RNF123: variants seen among roughly 807,000 people sequenced by gnomAD.
RNF123 encodes the protein E3 ubiquitin-protein ligase RNF123.
In RNF123, 86 loss-of-function variants were observed where a neutral mutation model predicts 168.5. The ratio of observed to expected loss-of-function variants is 0.51; its 90% CI spans 0.43 to 0.61. The LOEUF (loss-of-function observed/expected upper bound fraction) is 0.61, where lower values mean the gene tolerates loss of function less well. RNF123 is among the 20% of genes least tolerant of loss of function. The pLI is 0.00. For missense variants in RNF123, 1,419 were observed against 1,729.7 expected (o/e 0.82, Z 3.19); for synonymous variants, 666 against 689.1 (o/e 0.97, Z 0.52).
intron 35 of RNF123, 137 bp downstream of exon 35, chr3:49,716,614 TG>T: frequency 1.3e-6 from 1 of 769,380 alleles, no homozygotes; most frequent in East Asian, 2.5e-5. Flanking sequence ...AGAGGGAAGG[TG>T]GTGAGGTGTG....
At chr3:49,716,555 C>T in intron 35 of RNF123, 78 bp downstream of exon 35, 1 of 1,204,092 alleles carries the variant, frequency 8.3e-7, no homozygotes, top group East Asian at 2.3e-5. Context: ...CCTCCTGGTA[C>T]TTCAGTTTCC....
At position 49,705,610 on chromosome 3, in the gene RNF123, C is replaced by T. The variant is rs768535987; in HGVS notation, c.2235C>T (p.Asn745=). Residue 745 remains asparagine, a synonymous_variant, in exon 24 of 39, where the codon AAC becomes AAT. Transcript: ENST00000327697. The part of the protein sequence containing the change: ...PEEPEQPLTE[N]SLLEVLDGAV... ...AGCCTGAGCAGCCCCTCACCGAGAA[C>T]TCGCTGCTGGAAGTCCTGGATGGGG... 9 of 1,613,868 alleles carry T rather than the reference C, an allele frequency of 5.6e-6. No homozygotes were observed. Among genetic ancestry groups the T allele is most frequent in the Non-Finnish European group, 7.6e-6 (9 of 1,179,892 alleles).
chr3:49,715,569 C>T lies in RNF123; in HGVS notation c.3011-6C>T, dbSNP rs755685414. 8 of 1,613,744 alleles carry T rather than the reference C, an allele frequency of 5.0e-6. No individual in the cohort carries two copies. The highest frequency in any genetic ancestry group is 2.7e-5 in the African/African-American group (2 of 75,062). On this transcript the variant is annotated splice_polypyrimidine_tract_variant and splice_region_variant and intron_variant, in intron 31 of 38. Transcript: ENST00000327697. ...CCTGATGATGCCGCCTCCTGTCCCC[C>T]TGCAGAGCCCTGCCCTTCCACCCTG...
chr3:49,696,796 G>A (rs9873183), intron 3 of RNF123, among the ~76,000 whole-genome samples: 77,620 of 151,390 alleles, frequency 0.51, 21,024 homozygotes, highest in East Asian at 0.82. Context: ...ATACGCATGC[G>A]CCACCACACT....
chr3:49,692,047 C>T (rs987343501), intron 3 of RNF123, among the ~76,000 whole-genome samples: 7 of 152,168 alleles, frequency 4.6e-5, no homozygotes, highest in Non-Finnish European at 7.3e-5. Context: ...AGTTCAAGAC[C>T]AGCCTGAGCA....
chr3:49,697,838 G>T, intron 5 of RNF123, 47 bp from the exon 6 acceptor site: 1 of 1,611,302 alleles, frequency 6.2e-7, no homozygotes, highest in Non-Finnish European at 8.5e-7. Context: ...TTGGGGAGAT[G>T]CTCTGTGTGC....
At position 49,720,494 on chromosome 3, in the gene RNF123, C is replaced by T. The variant is rs376893628; in HGVS notation, c.3501-17C>T. 1.9e-6 allele frequency: 3 copies of T among 1,543,122 alleles called. No homozygotes were observed. Among genetic ancestry groups the T allele is most frequent in the Non-Finnish European group, 2.6e-6 (3 of 1,143,296 alleles). On this transcript the variant is annotated splice_polypyrimidine_tract_variant and intron_variant, in intron 35 of 38. Transcript: ENST00000327697. ...GCCCCAAGCCTTCTGACTGCCCTTG[C>T]ACCCTCCCCTACCTAGGAGAGAGCA...
At chr3:49,704,900 G>A in intron 22 of RNF123, 84 bp from the exon 23 acceptor site, 1 of 1,424,222 alleles carries the variant, frequency 7.0e-7, no homozygotes, top group Non-Finnish European at 9.5e-7. Flanking sequence ...GTGGAGGCAT[G>A]GACCCTCCCT....
intron 31 of RNF123, among the ~76,000 whole-genome samples, 176 bp downstream of exon 31, chr3:49,714,350 G>A (rs1168075592): frequency 6.6e-6 from 1 of 152,176 alleles, no homozygotes; most frequent in Non-Finnish European, 1.5e-5. Flanking sequence ...TCCAGCCCAA[G>A]GATACTCGGG....
chr3:49,692,195 GC>G (rs1262654932), intron 3 of RNF123, among the ~76,000 whole-genome samples: 1 of 152,194 alleles, frequency 6.6e-6, no homozygotes, highest in Non-Finnish European at 1.5e-5. Context: ...CAGTGAGTTG[GC>G]CTCTGCATGC....
At chr3:49,692,604 CCCCATCTCCCCACAAG>C in intron 3 of RNF123, among the ~76,000 whole-genome samples, 1 of 152,332 alleles carries the variant, frequency 6.6e-6, no homozygotes, top group Non-Finnish European at 1.5e-5. Flanking sequence ...CATTAGCCAT[CCCCATCTCCCCACAAG>C]CCCTATACTA....
At chr3:49,712,789 T>G in intron 27 of RNF123, 133 bp downstream of exon 27, 1 of 1,035,574 alleles carries the variant, frequency 9.7e-7, no homozygotes. Flanking sequence ...GAGCTTCCTC[T>G]GTGGTTCACC....
intron 35 of RNF123, chr3:49,718,065 G>A (rs562593899): frequency 2.5e-6 from 4 of 1,613,614 alleles, no homozygotes; most frequent in Admixed American, 3.3e-5. Context: ...CCAGCTGCAC[G>A]CGGCCATTGA....
At chr3:49,717,029 AGT>A (rs1256947422) in intron 35 of RNF123, 2 of 154,010 alleles carry the variant, frequency 1.3e-5, no homozygotes, top group Non-Finnish European at 2.9e-5. Flanking sequence ...GGCTGAGACC[AGT>A]GCCAGCCCTT....
intron 35 of RNF123, chr3:49,719,496 G>T: frequency 6.4e-7 from 1 of 1,556,568 alleles, no homozygotes; most frequent in Non-Finnish European, 8.7e-7. Flanking sequence ...GTACAGAGCA[G>T]CTCTGTGCAG....
At chr3:49,718,384 T>C (rs1231854340) in intron 35 of RNF123, 2 of 1,613,298 alleles carry the variant, frequency 1.2e-6, no homozygotes, top group Non-Finnish European at 1.7e-6. Context: ...CGTCTGGTTG[T>C]GGTGCAGGCG....
rs569000633 is a variant in RNF123 at position 49,718,982 on chromosome 3, G to A, written c.3501-1529G>A. 2.5e-6 allele frequency: 4 copies of A among 1,613,844 alleles called. No homozygotes were observed. In the African/African-American group the frequency reaches 5.3e-5, roughly 21 times the overall value. The stretch of plus-strand genomic sequence containing the variant: ...GCGAGTTCGTTGCAGCCCAGGTAGA[G>A]ATGGCTGAGCGCGCGCAGGCCGTGG... On this transcript the variant is annotated intron_variant, in intron 35 of 38. Coordinates refer to ENST00000327697, the MANE Select transcript of RNF123 (RefSeq NM_022064.5).
intron 21 of RNF123, 35 bp downstream of exon 21, chr3:49,703,563 G>T (rs1210776166): frequency 1.3e-6 from 2 of 1,550,008 alleles, no homozygotes; most frequent in East Asian, 2.3e-5. Context: ...AGCAGTTCTG[G>T]GGCCAGGTGG....
At chr3:49,701,114 A>G (rs2054373371) in intron 15 of RNF123, among the ~76,000 whole-genome samples, 1 of 152,252 alleles carries the variant, frequency 6.6e-6, no homozygotes, top group Non-Finnish European at 1.5e-5. Flanking sequence ...CTGGCTGGGA[A>G]GCCTCAGCTT....
Sources: gnomAD v4.1 joint callset for allele counts (sites outside exome capture counted in the v4.1 genomes callset) on GRCh38, gnomAD v4.1.1 for gene constraint, MANE v1.5 for transcripts, NCBI Gene and HGNC (gene_info 2026-07-23, HGNC 2026-07-21) for gene names.